ZBTB20: variants seen among roughly 807,000 people sequenced by gnomAD.
The protein encoded by ZBTB20 is zinc finger and BTB domain containing 20.
ZBTB20 carries 9 observed loss-of-function variants against 56.9 expected under a neutral mutation model. That is an observed-to-expected ratio of 0.16 (90% CI 0.10 to 0.28). The LOEUF (loss-of-function observed/expected upper bound fraction) is 0.28. ZBTB20 is among the 10% of genes least tolerant of loss of function. The probability of loss-of-function intolerance (pLI) is 1.00; values close to 1 mark genes in which losing one functional copy is unlikely to be tolerated. For missense variants in ZBTB20, 655 were observed against 1,003.0 expected (o/e 0.65, Z 4.69); for synonymous variants, 417 against 420.7 (o/e 0.99, Z 0.11).
At chr3:114,803,861 A>G (rs1041061077) in intron 4 of ZBTB20, among the ~76,000 whole-genome samples, 1 of 151,772 alleles carries the variant, frequency 6.6e-6, no homozygotes, top group South Asian at 2.1e-4. Flanking sequence ...TGTGTCATCA[A>G]TAAGAAAACT....
chr3:114,738,254 T>G (rs966279193), intron 5 of ZBTB20, among the ~76,000 whole-genome samples: 23 of 152,088 alleles, frequency 1.5e-4, no homozygotes, highest in African/African-American at 4.6e-4. Flanking sequence ...AAGCACTATA[T>G]CATTGCCCAA....
At chr3:114,671,331 C>T (rs1481509972) in intron 6 of ZBTB20, among the ~76,000 whole-genome samples, 1 of 152,048 alleles carries the variant, frequency 6.6e-6, no homozygotes, top group African/African-American at 2.4e-5. Context: ...GCCCCCCTTC[C>T]AAGGTCCTGT....
intron 2 of ZBTB20, among the ~76,000 whole-genome samples, chr3:115,027,145 G>T (rs2080460022): frequency 6.6e-6 from 1 of 150,864 alleles, no homozygotes; most frequent in Non-Finnish European, 1.5e-5. Flanking sequence ...TGATAAACAT[G>T]CTTGCAGATA....
At position 114,316,651 on chromosome 3, in the gene ZBTB20, C is replaced by G; in HGVS notation, c.*22354G>C. The G allele has an allele frequency of 2.3e-6, 1 of 434,432 alleles. No individual in the cohort carries two copies. The highest frequency in any genetic ancestry group is 4.7e-6 in the Non-Finnish European group (1 of 211,818). The allele number at this position is 434,432 out of a possible 1,614,324, so 26.9% of individuals were successfully genotyped here. A position where few individuals can be genotyped will look rare whatever the true frequency, so the allele number is the denominator to read the frequency against. ...CCCTGCTCCCTCTGTATATTTTAAA[C>G]AGTCTGGAGCTTTAATTTATTTTTT... On this transcript the variant is annotated 3_prime_UTR_variant, in exon 12 of 12. Transcript: ENST00000675478.
At chr3:114,357,957 G>A (rs1226056517) in intron 10 of ZBTB20, among the ~76,000 whole-genome samples, 1 of 152,178 alleles carries the variant, frequency 6.6e-6, no homozygotes, top group Non-Finnish European at 1.5e-5. Flanking sequence ...ACTAATATTA[G>A]CAGAAATCTG....
intron 6 of ZBTB20, among the ~76,000 whole-genome samples, chr3:114,537,645 C>G (rs2048633812): frequency 6.6e-6 from 1 of 152,074 alleles, no homozygotes; most frequent in East Asian, 1.9e-4. Context: ...AGTACATACC[C>G]AAAGTATTAG....
intron 4 of ZBTB20, among the ~76,000 whole-genome samples, chr3:114,843,068 G>A (rs778458252): frequency 5.9e-5 from 9 of 151,990 alleles, no homozygotes; most frequent in Non-Finnish European, 1.0e-4. Flanking sequence ...TCCTTCTGCC[G>A]CCATGTAAGA....
chr3:114,894,256 A>G (rs1344656061), intron 4 of ZBTB20, among the ~76,000 whole-genome samples: 1 of 152,164 alleles, frequency 6.6e-6, no homozygotes, highest in Non-Finnish European at 1.5e-5. Flanking sequence ...TCTTCCTCAC[A>G]GGGCTGTTGC....
chr3:115,054,058 T>C (rs2081658830), intron 2 of ZBTB20, among the ~76,000 whole-genome samples: 3 of 152,166 alleles, frequency 2.0e-5, no homozygotes, highest in Admixed American at 2.0e-4. Context: ...CAATTTCTGC[T>C]TTGTAAAATT....
intron 6 of ZBTB20, among the ~76,000 whole-genome samples, chr3:114,655,547 C>T (rs549816789): frequency 3.3e-5 from 5 of 152,134 alleles, no homozygotes; most frequent in East Asian, 1.9e-4. Context: ...CCACCGCGCC[C>T]GGCCTTCCTT....
At chr3:114,572,954 T>A (rs1270726189) in intron 6 of ZBTB20, among the ~76,000 whole-genome samples, 2 of 152,246 alleles carry the variant, frequency 1.3e-5, no homozygotes, top group Non-Finnish European at 2.9e-5. Context: ...TTCCTTGACA[T>A]ACTGTGTCCT....
chr3:114,389,311 C>G (rs1310792224), intron 7 of ZBTB20, among the ~76,000 whole-genome samples: 1 of 152,106 alleles, frequency 6.6e-6, no homozygotes, highest in Non-Finnish European at 1.5e-5. Flanking sequence ...TTTCACCTAA[C>G]TGCCTGTGCA....
rs751853672 is a variant in ZBTB20 at position 114,315,821 on chromosome 3, T to C, written c.*23184A>G. 1 of 153,330 alleles carries C rather than the reference T, an allele frequency of 6.5e-6. No individual in the cohort carries two copies. The highest frequency in any genetic ancestry group is 1.5e-5 in the Non-Finnish European group (1 of 68,964). 9.5% of individuals were successfully genotyped at this position (153,330 alleles called of 1,614,324 possible). On this transcript the variant is annotated 3_prime_UTR_variant, in exon 12 of 12. Coordinates refer to ENST00000675478, the MANE Select transcript of ZBTB20 (RefSeq NM_001348800.3). ...GATATCTCTTCTGTGCACATGTATA[T>C]GTTAACAGCTAGCCATTCAGCCAAC...
chr3:114,350,198 T>C (rs368602468), intron 11 of ZBTB20, 76 bp downstream of exon 11: 14 of 1,522,126 alleles, frequency 9.2e-6, no homozygotes, highest in Non-Finnish European at 7.9e-6. Flanking sequence ...CCTTCCCTTC[T>C]ACCTGCTCTC....
intron 6 of ZBTB20, among the ~76,000 whole-genome samples, chr3:114,596,719 G>A (rs6796509): frequency 0.16 from 23,808 of 152,016 alleles, 2,062 homozygotes; most frequent in Admixed American, 0.26. Context: ...TGAGAGAGAG[G>A]AAGAGCAAGA....
intron 3 of ZBTB20, among the ~76,000 whole-genome samples, chr3:114,952,508 A>T (rs2077103145): frequency 1.3e-5 from 2 of 152,066 alleles, no homozygotes; most frequent in African/African-American, 4.8e-5. Flanking sequence ...CTGAAAAGGT[A>T]TTTGACAAAA....
At chr3:114,351,923 C>G in intron 10 of ZBTB20, 45 bp from the exon 11 acceptor site, 1 of 1,555,012 alleles carries the variant, frequency 6.4e-7, no homozygotes, top group Non-Finnish European at 8.7e-7. Flanking sequence ...TGGGTCAGAT[C>G]TAGCTGGTTG....
chr3:114,708,849 A>G (rs1411176264), intron 5 of ZBTB20, among the ~76,000 whole-genome samples: 2 of 152,192 alleles, frequency 1.3e-5, no homozygotes, highest in African/African-American at 2.4e-5. Context: ...GGGTAGAGAA[A>G]TTATAAATAA....
intron 2 of ZBTB20, among the ~76,000 whole-genome samples, chr3:115,046,084 T>C (rs1165999742): frequency 2.0e-5 from 3 of 152,288 alleles, no homozygotes; most frequent in Middle Eastern, 3.4e-3. Flanking sequence ...AATCATGACA[T>C]ACTTAGAGGT....
Sources: gnomAD v4.1 joint callset for allele counts (sites outside exome capture counted in the v4.1 genomes callset) on GRCh38, gnomAD v4.1.1 for gene constraint, MANE v1.5 for transcripts, NCBI Gene and HGNC (gene_info 2026-07-23, HGNC 2026-07-21) for gene names.